Variants in TM9SF3 observed in about 807,000 individuals in gnomAD.
TM9SF3 encodes transmembrane 9 superfamily member 3, also known as SM-11044-binding protein.
TM9SF3 carries 14 observed loss-of-function variants against 78.6 expected under a neutral mutation model. The ratio of observed to expected loss-of-function variants is 0.18; its 90% CI spans 0.12 to 0.28. The LOEUF (loss-of-function observed/expected upper bound fraction) is 0.28. Ranked by LOEUF, TM9SF3 falls within the 10% of genes least tolerant of loss-of-function variation. The pLI is 1.00. For missense variants in TM9SF3, 496 were observed against 721.9 expected (o/e 0.69, Z 3.59); for synonymous variants, 231 against 241.7 (o/e 0.96, Z 0.41).
At chr10:96,538,352 C>A (rs759778810) in intron 9 of TM9SF3, among the ~76,000 whole-genome samples, 37 of 152,056 alleles carry the variant, frequency 2.4e-4, no homozygotes, top group Non-Finnish European at 4.6e-4. Flanking sequence ...ACCCCTCTGG[C>A]CCTTAACTCA....
chr10:96,541,887 C>T (rs560576238), intron 9 of TM9SF3, among the ~76,000 whole-genome samples: 93 of 152,322 alleles, frequency 6.1e-4, no homozygotes, highest in African/African-American at 2.2e-3. Context: ...CACCTATGGT[C>T]TGGGAGCCTT....
chr10:96,546,278 A>C (rs1244742752), intron 8 of TM9SF3, among the ~76,000 whole-genome samples: 2 of 152,176 alleles, frequency 1.3e-5, no homozygotes, highest in African/African-American at 4.8e-5. Context: ...GACACTACCA[A>C]TCAGAACATA....
In TM9SF3 at chr10:96,555,599, C is replaced by T. The variant is rs562875492; in HGVS notation, c.661-2540G>A. Reference sequence around the variant, plus strand: ...GTTATCCACCCTGAGGTTTCAGGAACGAGATAAACTCTATGGATCTTCTTG... The same window carrying T: ...GTTATCCACCCTGAGGTTTCAGGAATGAGATAAACTCTATGGATCTTCTTG... On this transcript the variant is annotated intron_variant, in intron 5 of 14. Coordinates refer to ENST00000371142, the MANE Select transcript of TM9SF3 (RefSeq NM_020123.4). 1.1e-4 allele frequency among the ~76,000 whole-genome samples: 17 copies of T among 152,248 alleles called. 1 individual carries two copies. The East Asian group carries it at 2.3e-3, about 21-fold the overall frequency.
rs538607686 is a variant in TM9SF3, at chr10:96,575,090, G to A, written c.298+1544C>T. Among the ~76,000 whole-genome samples, 5 of 151,938 alleles carry A rather than the reference G, an allele frequency of 3.3e-5. 1 individual carries two copies. The South Asian group carries it at 1.0e-3, about 32-fold the overall frequency. The stretch of plus-strand genomic sequence containing the variant: ...AGTATTAAAAAAAAAAAAGATTGCT[G>A]AATTAAGTACTCTTCTTTAGTAAAT... On this transcript the variant is annotated intron_variant, in intron 2 of 14. Coordinates refer to ENST00000371142, the MANE Select transcript of TM9SF3 (RefSeq NM_020123.4).
At chr10:96,558,731 C>T (rs1848267436) in intron 5 of TM9SF3, among the ~76,000 whole-genome samples, 1 of 151,810 alleles carries the variant, frequency 6.6e-6, no homozygotes, top group Non-Finnish European at 1.5e-5. Flanking sequence ...GTGATAGGTT[C>T]CGGTAGAGTC....
chr10:96,538,166 C>T (rs1276043560), intron 9 of TM9SF3, among the ~76,000 whole-genome samples: 1 of 152,108 alleles, frequency 6.6e-6, no homozygotes, highest in African/African-American at 2.4e-5. Flanking sequence ...AAAAACAAGA[C>T]AAATTGAAAT....
chr10:96,586,907 G>GCCT lies in TM9SF3; in HGVS notation c.-75_-73dup. 5.4e-6 allele frequency: 6 copies of GCCT among 1,113,026 alleles called. No individual in the cohort carries two copies. The highest frequency in any genetic ancestry group is 6.7e-6 in the Non-Finnish European group (6 of 902,086). 68.9% of individuals were successfully genotyped at this position (1,113,026 alleles called of 1,614,324 possible). A position where few individuals can be genotyped will look rare whatever the true frequency, so the allele number is the denominator to read the frequency against. On this transcript the variant is annotated 5_prime_UTR_variant, in exon 1 of 15. Coordinates refer to ENST00000371142, the MANE Select transcript of TM9SF3 (RefSeq NM_020123.4). ...CGCCGCCGCCTCCTCCGCCGCCGCC[G>GCCT]CCTCCGCCGCGGCCGATTCGCATCC...
chr10:96,567,002 T>G (rs1848381152), intron 2 of TM9SF3, among the ~76,000 whole-genome samples: 1 of 152,166 alleles, frequency 6.6e-6, no homozygotes, highest in South Asian at 2.1e-4. Flanking sequence ...CAAATATTCA[T>G]TGATAATGGT....
At chr10:96,545,696 C>G (rs1848088866) in intron 8 of TM9SF3, among the ~76,000 whole-genome samples, 1 of 152,132 alleles carries the variant, frequency 6.6e-6, no homozygotes, top group African/African-American at 2.4e-5. Context: ...TCAAGACCAG[C>G]CTGGCCAACG....
intron 4 of TM9SF3, chr10:96,560,209 A>G (rs1848288888): frequency 4.9e-6 from 5 of 1,016,294 alleles, no homozygotes; most frequent in Non-Finnish European, 7.6e-6. Context: ...GGACATGGAC[A>G]TGAGCCCCCT....
At chr10:96,525,675 G>C (rs933295905) in intron 14 of TM9SF3, among the ~76,000 whole-genome samples, 1 of 151,856 alleles carries the variant, frequency 6.6e-6, no homozygotes, top group Non-Finnish European at 1.5e-5. Flanking sequence ...AGAAAAAGGA[G>C]GAAAATTATC....
chr10:96,522,109 T>C lies in TM9SF3; in HGVS notation c.*154A>G, dbSNP rs757062646. The C allele has an allele frequency of 1.7e-5, 11 of 637,688 alleles. No individual in the cohort carries two copies. The highest frequency in any genetic ancestry group is 2.2e-5 in the Non-Finnish European group (8 of 362,804). The allele number at this position is 637,688 out of a possible 1,614,324, so 39.5% of individuals were successfully genotyped here. Reference sequence around the variant, plus strand: ...AGGAAGAACCTAGGATCAATGGAAATAGATGTTACTTTAAGCCACCGACGA... The same window carrying C: ...AGGAAGAACCTAGGATCAATGGAAACAGATGTTACTTTAAGCCACCGACGA... On this transcript the variant is annotated 3_prime_UTR_variant, in exon 15 of 15. Coordinates refer to ENST00000371142, the MANE Select transcript of TM9SF3 (RefSeq NM_020123.4).
chr10:96,556,510 T>C (rs1040120124), intron 5 of TM9SF3, among the ~76,000 whole-genome samples: 1 of 152,218 alleles, frequency 6.6e-6, no homozygotes, highest in African/African-American at 2.4e-5. Context: ...TTAGAAGCAA[T>C]TCTTATACTT....
chr10:96,562,212 T>G, intron 3 of TM9SF3, 74 bp from the exon 4 acceptor site: 1 of 1,101,478 alleles, frequency 9.1e-7, no homozygotes, highest in Non-Finnish European at 1.2e-6. Context: ...TAAATGCTCA[T>G]TAAGTTTTTT....
intron 11 of TM9SF3, among the ~76,000 whole-genome samples, chr10:96,528,965 G>A (rs1414532359): frequency 1.3e-5 from 2 of 152,132 alleles, no homozygotes; most frequent in Non-Finnish European, 2.9e-5. Flanking sequence ...AAATGGGTAG[G>A]AGAATGGGTT....
chr10:96,560,210 T>C, intron 4 of TM9SF3: 1 of 1,012,306 alleles, frequency 9.9e-7, no homozygotes, highest in Non-Finnish European at 1.5e-6. Context: ...GACATGGACA[T>C]GAGCCCCCTG....
intron 10 of TM9SF3, among the ~76,000 whole-genome samples, chr10:96,531,633 T>C (rs984680118): frequency 1.3e-5 from 2 of 152,182 alleles, no homozygotes; most frequent in African/African-American, 4.8e-5. Flanking sequence ...AGGTTAAAAG[T>C]GATCTGCCCA....
At chr10:96,584,110 C>T (rs1389936703) in intron 1 of TM9SF3, among the ~76,000 whole-genome samples, 1 of 152,140 alleles carries the variant, frequency 6.6e-6, no homozygotes, top group Non-Finnish European at 1.5e-5. Flanking sequence ...TAGGTATTAT[C>T]TGGAAACAAT....
intron 1 of TM9SF3, among the ~76,000 whole-genome samples, chr10:96,580,393 GTAAC>G (rs1848551329): frequency 6.6e-6 from 1 of 152,050 alleles, no homozygotes; most frequent in Non-Finnish European, 1.5e-5. Context: ...AGCCTCCTGA[GTAAC>G]TAGGACTACA....
Sources: allele counts gnomAD v4.1 joint callset (sites outside exome capture counted in the v4.1 genomes callset), GRCh38; gene constraint gnomAD v4.1.1; transcripts MANE v1.5; gene names NCBI Gene and HGNC (gene_info 2026-07-23, HGNC 2026-07-21).